ENTPD1: variants seen among roughly 807,000 people sequenced by gnomAD.
ENTPD1 encodes the protein ectonucleoside triphosphate diphosphohydrolase 1, also known as ATP diphosphohydrolase.
ENTPD1 carries 33 observed loss-of-function variants against 57.0 expected under a neutral mutation model. The ratio of observed to expected loss-of-function variants is 0.58; its 90% confidence interval spans 0.44 to 0.77. The LOEUF (loss-of-function observed/expected upper bound fraction) is 0.77, where lower values mean the gene tolerates loss of function less well. Among genes scored for constraint, ENTPD1 ranks in the 30% least tolerant of loss-of-function variants. The pLI, the probability that ENTPD1 is intolerant of heterozygous loss-of-function variation, is 0.00. For missense variants in ENTPD1, 501 were observed against 603.4 expected, an observed-to-expected ratio of 0.83 and a Z score of 1.78; for synonymous variants, 202 against 218.8, an observed-to-expected ratio of 0.92 and a Z score of 0.68.
chr10:95,755,274 A>T (rs554618414), upstream of ENTPD1: 1 of 175,430 alleles, frequency 5.7e-6, no homozygotes, highest in Non-Finnish European at 1.2e-5. Flanking sequence ...TCAATGTCTG[A>T]GGTATCTTTC....
intron 1 of ENTPD1, among the ~76,000 whole-genome samples, chr10:95,816,031 A>G (rs368919400): frequency 2.0e-5 from 3 of 152,274 alleles, no homozygotes; most frequent in African/African-American, 7.2e-5. Flanking sequence ...GTGCATGCTC[A>G]TCTGAGGCTT....
intron 1 of ENTPD1, among the ~76,000 whole-genome samples, chr10:95,804,850 TC>T (rs1487806636): frequency 7.2e-5 from 11 of 152,316 alleles, no homozygotes; most frequent in African/African-American, 2.6e-4. Flanking sequence ...TGAGATATGT[TC>T]CATCAATACC....
At chr10:95,809,488 C>A (rs1453600737) in intron 1 of ENTPD1, among the ~76,000 whole-genome samples, 1 of 127,114 alleles carries the variant, frequency 7.9e-6, no homozygotes, top group African/African-American at 3.1e-5. Flanking sequence ...GGCGGCCGGG[C>A]AGAGGCACCC....
chr10:95,810,521 G>T (rs1250740226), intron 1 of ENTPD1, among the ~76,000 whole-genome samples: 1 of 150,300 alleles, frequency 6.7e-6, no homozygotes, highest in African/African-American at 2.5e-5. Context: ...CCCAGATGGG[G>T]TGGTGGCCGG....
intron 7 of ENTPD1, among the ~76,000 whole-genome samples, chr10:95,851,931 T>C (rs1278481080): frequency 6.6e-6 from 1 of 152,198 alleles, no homozygotes; most frequent in African/African-American, 2.4e-5. Flanking sequence ...TTATAATCCT[T>C]TGGGTATATA....
intron 1 of ENTPD1, among the ~76,000 whole-genome samples, chr10:95,736,757 A>G (rs2097995077): frequency 6.6e-6 from 1 of 152,178 alleles, no homozygotes; most frequent in South Asian, 2.1e-4. Flanking sequence ...ATCGGGGGCC[A>G]TAAGTGCCTT....
chr10:95,748,864 C>T (rs932067105), intron 1 of ENTPD1, among the ~76,000 whole-genome samples: 3 of 152,062 alleles, frequency 2.0e-5, no homozygotes, highest in African/African-American at 4.8e-5. Flanking sequence ...TTGTTTTAGT[C>T]TAGTCTCCTA....
chr10:95,868,120 G>A lies in ENTPD1; in HGVS notation c.*1737G>A. ...CATTTAATCCTCACAACAATCTGAA[G>A]AAGGTAGGTATTACAATTCCCACTT... is the stretch of plus-strand genomic sequence containing the variant. On this transcript the variant is annotated 3_prime_UTR_variant, in exon 10 of 10. Transcript: ENST00000371205. 1 of 984,000 alleles carries A rather than the reference G, an allele frequency of 1.0e-6. No individual in the cohort carries two copies. Among genetic ancestry groups the A allele is most frequent in the Non-Finnish European group, 1.2e-6 (1 of 828,586 alleles). The allele number at this position is 984,000 out of a possible 1,614,324, so 61.0% of individuals were successfully genotyped here.
chr10:95,770,122 A>C (rs2098109367), intron 1 of ENTPD1, among the ~76,000 whole-genome samples: 3 of 147,534 alleles, frequency 2.0e-5, no homozygotes, highest in Non-Finnish European at 4.5e-5. Flanking sequence ...GAGACTGGGT[A>C]AGTGAGTGTA....
chr10:95,871,269 T>C lies in ENTPD1; in HGVS notation c.*4886T>C. The C allele has an allele frequency of 4.1e-6, 4 of 984,672 alleles. No homozygotes were observed. The highest frequency in any genetic ancestry group is 4.8e-6 in the Non-Finnish European group (4 of 829,218). The allele number at this position is 984,672 out of a possible 1,614,324, so 61.0% of individuals were successfully genotyped here. A position where few individuals can be genotyped will look rare whatever the true frequency, so the allele number is the denominator to read the frequency against. ...ATGTCTTATTAACTGAAATATAAAA[T>C]GTGTTTACTGTAAAATATAATCTGT... On this transcript the variant is annotated 3_prime_UTR_variant, in exon 10 of 10. Transcript: ENST00000371205.
Position 95,868,808 on chromosome 10 carries a change from T to C in ENTPD1, c.*2425T>C. 1.0e-6 allele frequency: 1 copy of C among 985,364 alleles called. No individual in the cohort carries two copies. The allele number at this position is 985,364 out of a possible 1,614,324, so 61.0% of individuals were successfully genotyped here. On this transcript the variant is annotated 3_prime_UTR_variant, in exon 10 of 10. Transcript: ENST00000371205. ...CCTTCAGAGAACACAAATCTTTTCT[T>C]ATTCCATTCCTGTTTGGTTGCCTAC...
chr10:95,875,962 T>C lies in ENTPD1; in HGVS notation c.*9579T>C, dbSNP rs1231491782. 1.0e-6 allele frequency: 1 copy of C among 985,280 alleles called. No homozygotes were observed. The highest frequency in any genetic ancestry group is 1.7e-5 in the African/African-American group (1 of 57,228). 61.0% of individuals were successfully genotyped at this position (985,280 alleles called of 1,614,324 possible). ...TTTGGGTGGGGACACAGCCAAACCATATCAATGATTTTGTACTTTAACCAG... is the reference window on the plus strand; with the variant it reads ...TTTGGGTGGGGACACAGCCAAACCACATCAATGATTTTGTACTTTAACCAG... On this transcript the variant is annotated 3_prime_UTR_variant, in exon 10 of 10. Coordinates refer to ENST00000371205, the MANE Select transcript of ENTPD1 (RefSeq NM_001776.6).
chr10:95,871,291 CTGTT>C lies in ENTPD1; in HGVS notation c.*4910_*4913del. 1.0e-6 allele frequency: 1 copy of C among 984,676 alleles called. No individual in the cohort carries two copies. Among genetic ancestry groups the C allele is most frequent in the Non-Finnish European group, 1.2e-6 (1 of 829,224 alleles). 61.0% of individuals were successfully genotyped at this position (984,676 alleles called of 1,614,324 possible). A position where few individuals can be genotyped will look rare whatever the true frequency, so the allele number is the denominator to read the frequency against. On this transcript the variant is annotated 3_prime_UTR_variant, in exon 10 of 10. Coordinates refer to ENST00000371205, the MANE Select transcript of ENTPD1 (RefSeq NM_001776.6). ...AAATGTGTTTACTGTAAAATATAAT[CTGTT>C]TATCTCACCAAAGAAATATTATCTT...
chr10:95,740,686 C>G (rs983984627), intron 1 of ENTPD1, among the ~76,000 whole-genome samples: 1 of 152,190 alleles, frequency 6.6e-6, no homozygotes, highest in Non-Finnish European at 1.5e-5. Flanking sequence ...TCTGTTGTTT[C>G]GTGTAGCCAC....
chr10:95,713,728 C>A (rs1300958491), intron 1 of ENTPD1, among the ~76,000 whole-genome samples: 1 of 152,048 alleles, frequency 6.6e-6, no homozygotes, highest in Non-Finnish European at 1.5e-5. Flanking sequence ...TATTGATGGA[C>A]AAATGTCCAC....
rs1420935146 is a variant in ENTPD1 at position 95,869,959 on chromosome 10, A to G, written c.*3576A>G. On this transcript the variant is annotated 3_prime_UTR_variant, in exon 10 of 10. Coordinates refer to ENST00000371205, the MANE Select transcript of ENTPD1 (RefSeq NM_001776.6). ...TACCATACTGGACAGCACATGTCCA[A>G]AAAAATACACGTAAAGTTAAAGTTT... 1.0e-6 allele frequency: 1 copy of G among 985,340 alleles called. No homozygotes were observed. The highest frequency in any genetic ancestry group is 1.7e-5 in the African/African-American group (1 of 57,254). 61.0% of individuals were successfully genotyped at this position (985,340 alleles called of 1,614,324 possible).
intron 2 of ENTPD1, among the ~76,000 whole-genome samples, chr10:95,827,757 C>T (rs2098383008): frequency 6.6e-6 from 1 of 152,172 alleles, no homozygotes; most frequent in Non-Finnish European, 1.5e-5. Flanking sequence ...GTTGGGATTA[C>T]AGGCATGAGC....
chr10:95,758,191 C>T (rs2098038514), intron 1 of ENTPD1, among the ~76,000 whole-genome samples: 2 of 151,910 alleles, frequency 1.3e-5, no homozygotes, highest in South Asian at 2.1e-4. Flanking sequence ...TGAAGCTAGG[C>T]ACTTTCTTCT....
upstream of ENTPD1, among the ~76,000 whole-genome samples, chr10:95,709,375 T>C (rs2097963799): frequency 6.6e-6 from 1 of 151,942 alleles, no homozygotes; most frequent in Admixed American, 6.6e-5. Context: ...TTTTTTTCTG[T>C]TTGTTTGTTT....
Sources: gnomAD v4.1 joint callset for allele counts (sites outside exome capture counted in the v4.1 genomes callset) on GRCh38, gnomAD v4.1.1 for gene constraint, MANE v1.5 for transcripts, NCBI Gene and HGNC (gene_info 2026-07-23, HGNC 2026-07-21) for gene names.